The following PELP1 variants were observed in gnomAD, a reference collection of about 807,000 sequenced individuals.
The protein encoded by PELP1 is proline, glutamate and leucine rich protein 1.
Under a neutral mutation model 95.5 loss-of-function variants are expected in PELP1, and 32 were observed. The ratio of observed to expected loss-of-function variants is 0.34; its 90% CI spans 0.25 to 0.45. The LOEUF is 0.45. Among genes scored for constraint, PELP1 ranks in the 20% least tolerant of loss-of-function variants. The pLI, the probability that PELP1 is intolerant of heterozygous loss-of-function variation, is 1.00. For missense variants in PELP1, 1,358 were observed against 1,444.8 expected (o/e 0.94, Z 0.97); for synonymous variants, 668 against 600.1 (o/e 1.11, Z -1.65).
intron 1 of PELP1, 120 bp from the exon 2 acceptor site, chr17:4,691,562 G>A (rs941880542): frequency 5.6e-6 from 4 of 715,896 alleles, no homozygotes; most frequent in Non-Finnish European, 9.8e-6. Context: ...TCTCCTCTGA[G>A]GCCAAAAGGC....
chr17:4,673,163 G>C lies in PELP1; in HGVS notation c.1846-18C>G, dbSNP rs776226691. ...GAGGAGACCTGAGGAAAGAAGAAAGGGCAAGTGTGAGCACCAGAAATACTG... is the reference window on the plus strand; with the variant it reads ...GAGGAGACCTGAGGAAAGAAGAAAGCGCAAGTGTGAGCACCAGAAATACTG... On this transcript the variant is annotated intron_variant, in intron 15 of 16. Transcript: ENST00000572293. This position sits in a 1 kb window ranked among gnomAD's most constrained non-coding sequence, Gnocchi z 5.7. 6.6e-7 allele frequency: 1 copy of C among 1,513,360 alleles called. No homozygotes were observed. Among genetic ancestry groups the C allele is most frequent in the Admixed American group, 2.3e-5 (1 of 44,226 alleles). The allele number at this position is 1,513,360 out of a possible 1,614,324, so 93.7% of individuals were successfully genotyped here.
chr17:4,691,379 G>A lies in PELP1; in HGVS notation c.313C>T (p.Arg105Trp). The A allele has an allele frequency of 3.7e-6, 6 of 1,611,748 alleles. No homozygotes were observed. Among genetic ancestry groups the A allele is most frequent in the South Asian group, 1.1e-5 (1 of 91,042 alleles). Residue 105 changes from arginine to tryptophan, a missense_variant and splice_region_variant, in exon 2 of 17, where the codon CGG becomes TGG. By Grantham distance (101) the Arg-to-Trp change is moderately radical. Around this residue, in one of 7 missense-constraint regions of PELP1, gnomAD observed 7 missense variants for 19.7 expected, o/e 0.36. Transcript: ENST00000572293. ...SNARLSSIKT[R>W]FEGLCLLSLL... ...GAAAAAAAAGGGCCAAAGACTTACC[G>A]AGTTTTGATGGAACTGAGACGTGCA...
In PELP1 at chr17:4,675,902, A is replaced by G. The variant is rs139178329; in HGVS notation, c.981-18T>C. 2.6e-5 allele frequency: 41 copies of G among 1,586,178 alleles called. No individual in the cohort carries two copies. In the East Asian group the frequency reaches 9.4e-4, roughly 36 times the overall value. ...ACTCAGAGCTAAAGAGAATCAGAGCAGGGAGACCTTCAGAGCAGGCTCCCT... is the reference window on the plus strand; with the variant it reads ...ACTCAGAGCTAAAGAGAATCAGAGCGGGGAGACCTTCAGAGCAGGCTCCCT... On this transcript the variant is annotated intron_variant, in intron 8 of 16. Transcript: ENST00000572293. The surrounding 1 kb of genome is among the most constrained non-coding windows in gnomAD (Gnocchi z 4.3).
At chr17:4,700,987 TC>T (rs1913504013) in intron 1 of PELP1, among the ~76,000 whole-genome samples, 1 of 81,154 alleles carries the variant, frequency 1.2e-5, no homozygotes, top group Non-Finnish European at 2.3e-5. Context: ...AAAGCAAAGT[TC>T]CACTAAAAAA....
chr17:4,699,594 G>A (rs1315990341), intron 1 of PELP1, among the ~76,000 whole-genome samples: 1 of 152,056 alleles, frequency 6.6e-6, no homozygotes, highest in Admixed American at 6.6e-5. Flanking sequence ...AGGGTGATTT[G>A]TTTGTTTTTT....
At chr17:4,681,549 C>A (rs1363613143) in intron 5 of PELP1, among the ~76,000 whole-genome samples, 1 of 151,684 alleles carries the variant, frequency 6.6e-6, no homozygotes, top group Non-Finnish European at 1.5e-5. Flanking sequence ...TGCCTGTAAT[C>A]CCAGCATTTT....
chr17:4,676,803 C>G lies in PELP1; in HGVS notation c.652G>C (p.Ala218Pro). Reference protein sequence around the residue: ...RACGSLKGKLASFFLSRVDAL... With the variant: ...RACGSLKGKLPSFFLSRVDAL... ...TCCACCCTAGACAGAAAAAATGAGGCCAGCTTGCCCTGGATGTGGAGGAAA... is the reference window on the plus strand; with the variant it reads ...TCCACCCTAGACAGAAAAAATGAGGGCAGCTTGCCCTGGATGTGGAGGAAA... Residue 218 changes from alanine to proline, a missense_variant, in exon 6 of 17, where the codon GCC (alanine) becomes CCC (proline). Around this residue, in one of 7 missense-constraint regions of PELP1, gnomAD observed 538 missense variants for 628.1 expected, o/e 0.86. Coordinates refer to ENST00000572293, the MANE Select transcript of PELP1 (RefSeq NM_014389.3). 1.3e-6 allele frequency: 2 copies of G among 1,565,160 alleles called. No homozygotes were observed. Among genetic ancestry groups the G allele is most frequent in the Non-Finnish European group, 1.7e-6 (2 of 1,154,414 alleles).
rs1234012041 is a variant in PELP1 at position 4,673,834 on chromosome 17, C to A, written c.1583-160G>T. ...GAAAATGGGGATCATAAAAGTACCT[C>A]TACTGTATAGGGCCACTGACGGTAT... On this transcript the variant is annotated intron_variant, in intron 13 of 16. Coordinates refer to ENST00000572293, the MANE Select transcript of PELP1 (RefSeq NM_014389.3). The surrounding 1 kb of genome is among the most constrained non-coding windows in gnomAD (Gnocchi z 5.7). The A allele has an allele frequency of 7.4e-6, 5 of 671,908 alleles. No individual in the cohort carries two copies. 41.6% of individuals were successfully genotyped at this position (671,908 alleles called of 1,614,324 possible). A position where few individuals can be genotyped will look rare whatever the true frequency, so the allele number is the denominator to read the frequency against.
chr17:4,700,773 T>C (rs936506382), intron 1 of PELP1, among the ~76,000 whole-genome samples: 1 of 150,402 alleles, frequency 6.6e-6, no homozygotes, highest in Non-Finnish European at 1.5e-5. Context: ...AAAAAAATTT[T>C]TAAATTAGCC....
intron 3 of PELP1, among the ~76,000 whole-genome samples, chr17:4,688,471 G>A (rs570037674): frequency 6.6e-6 from 1 of 152,186 alleles, no homozygotes; most frequent in East Asian, 1.9e-4. Context: ...AAAGCTCCTA[G>A]ATCCAATAAA....
intron 3 of PELP1, among the ~76,000 whole-genome samples, chr17:4,684,518 CAAAG>C (rs960883174): frequency 5.3e-5 from 8 of 152,142 alleles, no homozygotes; most frequent in African/African-American, 1.9e-4. Flanking sequence ...TCTTCCTACC[CAAAG>C]ACAGTCCCTC....
In PELP1 at chr17:4,672,066, A is replaced by G; in HGVS notation, c.2925T>C (p.Gly975=). 6.4e-7 allele frequency: 1 copy of G among 1,555,308 alleles called. No homozygotes were observed. Among genetic ancestry groups the G allele is most frequent in the Non-Finnish European group, 8.7e-7 (1 of 1,149,388 alleles). Residue 975 remains glycine, a synonymous_variant, in exon 16 of 17, where the codon GGT becomes GGC. Transcript: ENST00000572293. Reference sequence around the variant, plus strand: ...GAGGCAGGGTTGGGGGTGGAGGTGCACCTTCTTCTACCTCCCCTCCTGCTG... The same window carrying G: ...GAGGCAGGGTTGGGGGTGGAGGTGCGCCTTCTTCTACCTCCCCTCCTGCTG... ...FGTAGGEVEE[G]APPPPTLPPA...
Position 4,677,704 on chromosome 17 carries a change from G to A in PELP1, c.643-892C>T, listed in dbSNP as rs564712302. On this transcript the variant is annotated intron_variant, in intron 5 of 16. Transcript: ENST00000572293. ...GGCACTTTGGGAGGTCAAGGCAGGCGGATCACTTGAGCCAAGGAGTTTGAG... is the reference window on the plus strand; with the variant it reads ...GGCACTTTGGGAGGTCAAGGCAGGCAGATCACTTGAGCCAAGGAGTTTGAG... 1.8e-4 allele frequency among the ~76,000 whole-genome samples: 27 copies of A among 152,156 alleles called. No homozygotes were observed. In the South Asian group the frequency reaches 4.2e-3, roughly 23 times the overall value.
rs867956697 is a variant in PELP1 at position 4,675,311 on chromosome 17, G to T, written c.1120C>A (p.Leu374Ile). The stretch of plus-strand genomic sequence containing the variant: ...GCAGACAGCAGGTCCAAGGCCTCAA[G>T]GTGGATAGAGGGCAGCAGCAGCAGC... ...LRLLLLPSIH[L>I]EALDLLSALI... The change falls in exon 10 of 17, where the codon CTT (leucine) becomes ATT (isoleucine). Residue 374 changes from leucine to isoleucine, a missense_variant. By Grantham distance (5) the Leu-to-Ile change is conservative. Around this residue, in one of 7 missense-constraint regions of PELP1, gnomAD observed 538 missense variants for 628.1 expected, o/e 0.86. Coordinates refer to ENST00000572293, the MANE Select transcript of PELP1 (RefSeq NM_014389.3). The surrounding 1 kb of genome is among the most constrained non-coding windows in gnomAD (Gnocchi z 4.3). 1 of 1,566,750 alleles carries T rather than the reference G, an allele frequency of 6.4e-7. No homozygotes were observed. The highest frequency in any genetic ancestry group is 2.4e-5 in the East Asian group (1 of 42,246).
chr17:4,691,512 TTC>T (rs1249943833), intron 1 of PELP1, 70 bp from the exon 2 acceptor site: 16 of 1,254,680 alleles, frequency 1.3e-5, no homozygotes, highest in Non-Finnish European at 1.6e-5. Flanking sequence ...CTTCAAGCCC[TTC>T]TCTGTCCCAG....
rs752579746 is a variant in PELP1, at chr17:4,671,522, C to T, written c.3310G>A (p.Asp1104Asn). 21 of 1,613,718 alleles carry T rather than the reference C, an allele frequency of 1.3e-5. No homozygotes were observed. Among genetic ancestry groups the T allele is most frequent in the Middle Eastern group, 1.6e-4 (1 of 6,084 alleles). The change falls in exon 17 of 17, where the codon GAC becomes AAC. Residue 1104 changes from aspartate (D) to asparagine (N), a missense_variant. By Grantham distance (23) the Asp-to-Asn change is conservative. This residue lies in a region of PELP1 where 283 missense variants were observed against 284.1 expected (regional missense o/e 1.00). Coordinates refer to ENST00000572293, the MANE Select transcript of PELP1 (RefSeq NM_014389.3). Reference sequence around the variant, plus strand: ...AAGTCGGCCAGCATGGCAGCTGTGTCATCCTGCTCCTTTTAGGCACAAAGA... The same window carrying T: ...AAGTCGGCCAGCATGGCAGCTGTGTTATCCTGCTCCTTTTAGGCACAAAGA... ...AEALQEKEQD[D>N]TAAMLADFID... is the part of the protein sequence containing the mutation.
intron 3 of PELP1, among the ~76,000 whole-genome samples, chr17:4,689,452 A>T (rs1230963084): frequency 2.0e-5 from 3 of 152,256 alleles, no homozygotes; most frequent in Non-Finnish European, 4.4e-5. Context: ...CAGAATTTAC[A>T]AAGAATTCAA....
intron 1 of PELP1, among the ~76,000 whole-genome samples, chr17:4,695,694 T>A (rs1020680639): frequency 5.5e-5 from 6 of 109,472 alleles, no homozygotes; most frequent in South Asian, 3.1e-4. Context: ...AAAAAAAAAA[T>A]CTGGCAGGGG....
chr17:4,675,122 T>C lies in PELP1; in HGVS notation c.1231A>G (p.Ile411Val), dbSNP rs1912404211. Residue 411 changes from isoleucine to valine, a missense_variant, in exon 11 of 17, where the codon ATC (isoleucine) becomes GTC (valine). Ile to Val is a conservative substitution (Grantham distance 29, BLOSUM62 3). This residue lies in a region of PELP1 where 538 missense variants were observed against 628.1 expected (regional missense o/e 0.86). Coordinates refer to ENST00000572293, the MANE Select transcript of PELP1 (RefSeq NM_014389.3). This position sits in a 1 kb window ranked among gnomAD's most constrained non-coding sequence, Gnocchi z 4.3. ...LLPQVLNSWS[I>V]GRDSLSPGQE... ...CCTGGAGAGAGGGAATCTCTACCGA[T>C]GCTCCAGGAATTGAGGACCTGGGGA... 3.1e-6 allele frequency: 5 copies of C among 1,613,724 alleles called. No homozygotes were observed. In the South Asian group the frequency reaches 3.3e-5, roughly 11 times the overall value.
Sources: gnomAD v4.1 joint callset for allele counts (sites outside exome capture counted in the v4.1 genomes callset) on GRCh38, gnomAD v4.1.1 for gene constraint, gnomAD v4.1.1 regional missense constraint, Gnocchi (gnomAD v3.1) non-coding constraint, MANE v1.5 for transcripts, NCBI Gene and HGNC (gene_info 2026-07-23, HGNC 2026-07-21) for gene names.